SLC49A3: variants seen among roughly 807,000 people sequenced by gnomAD.
SLC49A3 encodes the protein solute carrier family 49 member A3.
SLC49A3 carries 50 observed loss-of-function variants against 43.8 expected under a neutral mutation model. The ratio of observed to expected loss-of-function variants is 1.14; its 90% CI spans 0.91 to 1.45. SLC49A3 has a LOEUF of 1.45. Among genes scored for constraint, SLC49A3 ranks in the 40% most tolerant of loss-of-function variants. The pLI is 0.00. For synonymous variants in SLC49A3, 413 were observed against 352.0 expected, an observed-to-expected ratio of 1.17 and a Z score of -1.94; for missense variants, 906 against 774.1, an observed-to-expected ratio of 1.17 and a Z score of -2.02.
In SLC49A3 at chr4:685,253, G is replaced by A. The variant is rs532072256; in HGVS notation, c.586-397C>T. Among the ~76,000 whole-genome samples, 1 of 152,232 alleles carries A rather than the reference G, an allele frequency of 6.6e-6. No homozygotes were observed. Among genetic ancestry groups the A allele is most frequent in the African/African-American group, 2.4e-5 (1 of 41,522 alleles). On this transcript the variant is annotated intron_variant, in intron 4 of 9. Transcript: ENST00000322224. This position sits in a 1 kb window ranked among gnomAD's most constrained non-coding sequence, Gnocchi z 4.3. ...AAGCACAAACACACCACCCGCACCTGATACACATGCACGAGCACACACAGG... is the reference window on the plus strand; with the variant it reads ...AAGCACAAACACACCACCCGCACCTAATACACATGCACGAGCACACACAGG...
Position 689,055 on chromosome 4 carries a change from T to C in SLC49A3, c.73A>G (p.Thr25Ala). The C allele has an allele frequency of 6.3e-7, 1 of 1,582,284 alleles. No homozygotes were observed. The highest frequency in any genetic ancestry group is 8.6e-7 in the Non-Finnish European group (1 of 1,168,114). ...RALCAQRGHR[T>A]YARRWVFLLA... ...AGGAACACCCAGCGGCGCGCGTAGG[T>C]GCGGTGGCCCCGCTGCGCGCACAGG... is the stretch of plus-strand genomic sequence containing the variant. Residue 25 changes from threonine to alanine, a missense_variant, in exon 1 of 10, where the codon ACC becomes GCC. Coordinates refer to ENST00000322224, the MANE Select transcript of SLC49A3 (RefSeq NM_032219.4).
At chr4:680,885 C>T (rs1034100964), downstream of SLC49A3, 11 of 657,616 alleles carry the variant, frequency 1.7e-5, no homozygotes, top group Non-Finnish European at 2.3e-5. Context: ...AACCTCCTTC[C>T]GGCTCTGTCC....
At position 682,147 on chromosome 4, in the gene SLC49A3, C is replaced by CTA; in HGVS notation, c.1490_1491insTA (p.Leu498SerfsTer2). On this transcript the variant is annotated frameshift_variant, in exon 10 of 10. Transcript: ENST00000322224. LOFTEE classifies it low-confidence loss of function (END_TRUNC). ...TCCCGGGCCCTCTGGGGTCCTCTAG[C>CTA]GAGGCCCCCCTCGCCGTGCACTCCG... is the stretch of plus-strand genomic sequence containing the variant. 7.5e-7 allele frequency: 1 copy of CTA among 1,340,550 alleles called. No homozygotes were observed. The highest frequency in any genetic ancestry group is 1.9e-5 in the South Asian group (1 of 53,484). The allele number at this position is 1,340,550 out of a possible 1,614,324, so 83.0% of individuals were successfully genotyped here. A position where few individuals can be genotyped will look rare whatever the true frequency, so the allele number is the denominator to read the frequency against.
In SLC49A3 at chr4:681,884, C is replaced by A. The variant is rs551285938; in HGVS notation, c.*74G>T. ...AGCCCGCAAGGAGCCCTTTCGCCCC[C>A]GCCCGCAGGTGGACCAGATGTTCCA... On this transcript the variant is annotated 3_prime_UTR_variant, in exon 10 of 10. Transcript: ENST00000322224. 39 of 1,313,794 alleles carry A rather than the reference C, an allele frequency of 3.0e-5. No homozygotes were observed. The highest frequency in any genetic ancestry group is 5.9e-6 in the Non-Finnish European group (6 of 1,022,180). 81.4% of individuals were successfully genotyped at this position (1,313,794 alleles called of 1,614,324 possible).
At chr4:683,029 C>T in intron 8 of SLC49A3, 139 bp from the exon 9 acceptor site, 1 of 1,101,292 alleles carries the variant, frequency 9.1e-7, no homozygotes, top group Non-Finnish European at 1.3e-6. Flanking sequence ...GGTCATGGGC[C>T]CTATCAGCCG....
rs369486914 is a variant in SLC49A3, at chr4:683,822, G to C, written c.841-61C>G. The C allele has an allele frequency of 6.6e-6, 10 of 1,513,470 alleles. No homozygotes were observed. The East Asian group carries it at 7.4e-5, about 11-fold the overall frequency. The allele number at this position is 1,513,470 out of a possible 1,614,324, so 93.8% of individuals were successfully genotyped here. On this transcript the variant is annotated intron_variant, in intron 6 of 9. Coordinates refer to ENST00000322224, the MANE Select transcript of SLC49A3 (RefSeq NM_032219.4). Reference sequence around the variant, plus strand: ...GCCACCATTATCCTAGGTGCATGCCGTCAGGGCAGGGGGCTCAGTGTAGGG... The same window carrying C: ...GCCACCATTATCCTAGGTGCATGCCCTCAGGGCAGGGGGCTCAGTGTAGGG...
At position 686,290 on chromosome 4, in the gene SLC49A3, C is replaced by T; in HGVS notation, c.307G>A (p.Ala103Thr). 9 of 1,613,248 alleles carry T rather than the reference C, an allele frequency of 5.6e-6. No individual in the cohort carries two copies. The highest frequency in any genetic ancestry group is 1.3e-5 in the African/African-American group (1 of 75,060). ...VGLRAATILGAWLNFAGSVLR... is the reference protein window; with the variant it reads ...VGLRAATILGTWLNFAGSVLR... The stretch of plus-strand genomic sequence containing the variant: ...ACACTCCCGGCAAAGTTCAGCCACG[C>T]ACCCAGGATGGTCTGCGAGGAGGGG... Residue 103 changes from alanine (A) to threonine (T), a missense_variant, in exon 3 of 10, where the codon GCG becomes ACG. Ala to Thr is a moderately conservative substitution (Grantham distance 58). Coordinates refer to ENST00000322224, the MANE Select transcript of SLC49A3 (RefSeq NM_032219.4).
chr4:678,785 C>T (rs182080763), downstream of SLC49A3: 2,797 of 1,607,866 alleles, frequency 1.7e-3, 2 homozygotes, highest in Non-Finnish European at 2.2e-3. Flanking sequence ...TCCTGCTTCA[C>T]TGGGAGCCCC....
chr4:690,224 T>C (rs1577379666), upstream of SLC49A3, among the ~76,000 whole-genome samples: 1 of 152,032 alleles, frequency 6.6e-6, no homozygotes, highest in East Asian at 1.9e-4. Flanking sequence ...GATTTTTTTT[T>C]TTTTGTAGAG....
At chr4:680,096 C>T (rs1739301179), downstream of SLC49A3, 12 of 1,338,276 alleles carry the variant, frequency 9.0e-6, no homozygotes, top group Non-Finnish European at 1.2e-5. Flanking sequence ...ACGTAAAAAT[C>T]TCTCTTTTCC....
downstream of SLC49A3, chr4:678,818 G>C (rs1199038754): frequency 1.4e-5 from 23 of 1,608,696 alleles, no homozygotes; most frequent in Non-Finnish European, 1.9e-5. Context: ...CCTGTGCTGG[G>C]AAGACCCCAT....
downstream of SLC49A3, chr4:679,185 G>A: frequency 1.3e-6 from 1 of 793,276 alleles, no homozygotes; most frequent in Non-Finnish European, 2.2e-6. Context: ...TGATGGCCCT[G>A]GCCGCCCTTG....
downstream of SLC49A3, among the ~76,000 whole-genome samples, chr4:681,631 TCCAGCGCCGCCCCGCCCCCTCCAGCGCCG>T (rs1739589986): frequency 1.4e-3 from 5 of 3,538 alleles, no homozygotes; most frequent in Admixed American, 0.016. Context: ...CCCCGCCCCC[TCCAGCGCCGCCCCGCCCCCTCCAGCGCCG>T]CCCCGCCCCC....
chr4:680,535 A>G, downstream of SLC49A3: 1 of 1,613,506 alleles, frequency 6.2e-7, no homozygotes, highest in Non-Finnish European at 8.5e-7. Context: ...GACCATTCTT[A>G]ACGCCTTCAA....
chr4:683,797 G>T (rs954325776), intron 6 of SLC49A3, 36 bp from the exon 7 acceptor site: 6 of 1,538,208 alleles, frequency 3.9e-6, no homozygotes, highest in Non-Finnish European at 5.3e-6. Flanking sequence ...GCCCCAAGAG[G>T]CCACCATTAT....
At chr4:682,557 G>A (rs766155984) in intron 9 of SLC49A3, among the ~76,000 whole-genome samples, 181 bp from the exon 10 acceptor site, 6 of 152,206 alleles carry the variant, frequency 3.9e-5, no homozygotes, top group Non-Finnish European at 7.4e-5. Context: ...CCTGAGAGAG[G>A]TCACTAGCAT....
At chr4:677,654 C>T (rs746494383), downstream of SLC49A3, among the ~76,000 whole-genome samples, 3 of 152,224 alleles carry the variant, frequency 2.0e-5, no homozygotes, top group African/African-American at 7.2e-5. Context: ...AGTGCCCCTT[C>T]CTCTGGCTCC....
At chr4:691,135 AT>A (rs1436236871), upstream of SLC49A3, among the ~76,000 whole-genome samples, 3 of 151,354 alleles carry the variant, frequency 2.0e-5, no homozygotes, top group Non-Finnish European at 2.9e-5. Flanking sequence ...AAATACAAAA[AT>A]TAGCCAGGTG....
rs1485417511 is a variant in SLC49A3, at chr4:684,704, T to C, written c.723+15A>G. ...CCCCAAATCCACCCTACCCCGGGGA[T>C]CCCACGGCACTGACCAGCTTGAGCC... is the stretch of plus-strand genomic sequence containing the variant. On this transcript the variant is annotated intron_variant, in intron 5 of 9. Transcript: ENST00000322224. 1 of 1,607,540 alleles carries C rather than the reference T, an allele frequency of 6.2e-7. No homozygotes were observed.
Sources: allele counts gnomAD v4.1 joint callset (sites outside exome capture counted in the v4.1 genomes callset), GRCh38; gene constraint gnomAD v4.1.1; non-coding constraint Gnocchi (gnomAD v3.1); transcripts MANE v1.5; gene names NCBI Gene and HGNC (gene_info 2026-07-23, HGNC 2026-07-21).